Variants in LRP6 observed in about 807,000 individuals in gnomAD.
The protein encoded by LRP6 is low-density lipoprotein receptor-related protein 6.
LRP6 carries 43 observed loss-of-function variants against 184.1 expected under a neutral mutation model. That is an observed-to-expected ratio of 0.23 (90% CI 0.18 to 0.30). LRP6 has a LOEUF of 0.30. LRP6 is among the 10% of genes least tolerant of loss of function. The probability of loss-of-function intolerance (pLI) is 1.00; values close to 1 mark genes in which losing one functional copy is unlikely to be tolerated. For synonymous variants in LRP6, 719 were observed against 684.9 expected (o/e 1.05, Z -0.78); for missense variants, 1,571 against 2,005.3 (o/e 0.78, Z 4.14).
At chr12:12,161,434 A>AT (rs1014252820) in intron 10 of LRP6, among the ~76,000 whole-genome samples, 13 of 151,420 alleles carry the variant, frequency 8.6e-5, no homozygotes, top group East Asian at 5.8e-4. Flanking sequence ...TGCCTGGCTA[A>AT]TTTTTTTTTA....
chr12:12,152,294 C>T (rs1950092761), intron 12 of LRP6, among the ~76,000 whole-genome samples: 1 of 152,072 alleles, frequency 6.6e-6, no homozygotes, highest in African/African-American at 2.4e-5. Flanking sequence ...TCTTTTTGTT[C>T]CCAGTTTCCA....
At chr12:12,182,955 G>A (rs960810545) in intron 5 of LRP6, among the ~76,000 whole-genome samples, 3 of 152,192 alleles carry the variant, frequency 2.0e-5, no homozygotes, top group Non-Finnish European at 4.4e-5. Context: ...TAAATCCTCT[G>A]TTTTAAAGTC....
chr12:12,201,722 T>G (rs1288187173), intron 3 of LRP6, among the ~76,000 whole-genome samples: 1 of 152,200 alleles, frequency 6.6e-6, no homozygotes, highest in South Asian at 2.1e-4. Flanking sequence ...GCCACATCCA[T>G]CTTCCTAGAC....
intron 1 of LRP6, among the ~76,000 whole-genome samples, chr12:12,262,815 T>C (rs1013476965): frequency 1.3e-5 from 2 of 152,152 alleles, no homozygotes; most frequent in Non-Finnish European, 2.9e-5. Flanking sequence ...CCATACATAT[T>C]TGCTAAAAGA....
At chr12:12,213,596 C>T (rs1402745088) in intron 2 of LRP6, among the ~76,000 whole-genome samples, 1 of 152,028 alleles carries the variant, frequency 6.6e-6, no homozygotes, top group Admixed American at 6.6e-5. Context: ...AAAGATTAAA[C>T]ATTCACGTTT....
chr12:12,218,667 T>TA (rs1864410952), intron 2 of LRP6, among the ~76,000 whole-genome samples: 2 of 151,716 alleles, frequency 1.3e-5, no homozygotes, highest in Non-Finnish European at 2.9e-5. Context: ...TATAACTTTT[T>TA]AAAAAAGGAG....
chr12:12,171,323 T>C (rs777883047), intron 7 of LRP6, among the ~76,000 whole-genome samples: 3 of 152,120 alleles, frequency 2.0e-5, no homozygotes, highest in Non-Finnish European at 2.9e-5. Flanking sequence ...AAGACCATCC[T>C]GGCTAACATG....
chr12:12,252,888 TTA>T lies in LRP6; in HGVS notation c.56-8235_56-8234del, dbSNP rs534003558. On this transcript the variant is annotated intron_variant, in intron 1 of 22. Transcript: ENST00000261349. Reference sequence around the variant, plus strand: ...ATTCATGGTCCATTACATCTTAGGATTATATGTCTTTAGATTTTCTCTCTGCA... The same window carrying T: ...ATTCATGGTCCATTACATCTTAGGATTATGTCTTTAGATTTTCTCTCTGCA... Among the ~76,000 whole-genome samples, 22 of 152,330 alleles carry T rather than the reference TTA, an allele frequency of 1.4e-4. No homozygotes were observed. In the East Asian group the frequency reaches 4.0e-3, roughly 28 times the overall value.
intron 1 of LRP6, among the ~76,000 whole-genome samples, chr12:12,255,441 T>C (rs1865437408): frequency 6.6e-6 from 1 of 152,098 alleles, no homozygotes; most frequent in Non-Finnish European, 1.5e-5. Context: ...AAAAGCCTTT[T>C]TCGGTTTGAT....
chr12:12,202,942 T>TG (rs753177873), intron 3 of LRP6, among the ~76,000 whole-genome samples: 4 of 152,302 alleles, frequency 2.6e-5, no homozygotes, highest in East Asian at 3.9e-4. Context: ...ATGCTACCCC[T>TG]GGTGGAGAAC....
intron 3 of LRP6, among the ~76,000 whole-genome samples, chr12:12,199,759 T>C (rs1445150500): frequency 6.6e-6 from 1 of 150,680 alleles, no homozygotes; most frequent in African/African-American, 2.4e-5. Context: ...AGGTAAGGAG[T>C]TCGAGACCAG....
At chr12:12,216,390 A>G (rs1591955908) in intron 2 of LRP6, among the ~76,000 whole-genome samples, 1 of 152,340 alleles carries the variant, frequency 6.6e-6, no homozygotes, top group African/African-American at 2.4e-5. Flanking sequence ...AGCCAATTAT[A>G]CTTTTTATTC....
intron 13 of LRP6, 46 bp downstream of exon 13, chr12:12,150,790 A>G: frequency 1.3e-6 from 2 of 1,593,482 alleles, no homozygotes; most frequent in Non-Finnish European, 1.7e-6. Flanking sequence ...TGGTGAGTCC[A>G]GTTATTAGTC....
At chr12:12,147,642 G>C in intron 14 of LRP6, 86 bp from the exon 15 acceptor site, 1 of 1,115,124 alleles carries the variant, frequency 9.0e-7, no homozygotes, top group South Asian at 1.3e-5. Flanking sequence ...AATGGAGGTA[G>C]AGTATTTTTA....
chr12:12,213,925 C>A (rs1365762419), intron 2 of LRP6, among the ~76,000 whole-genome samples: 1 of 152,080 alleles, frequency 6.6e-6, no homozygotes, highest in African/African-American at 2.4e-5. Context: ...GAATACTTCA[C>A]TAGTTGATGT....
intron 3 of LRP6, among the ~76,000 whole-genome samples, chr12:12,197,509 A>G (rs1012207738): frequency 6.6e-6 from 1 of 152,184 alleles, no homozygotes; most frequent in East Asian, 1.9e-4. Flanking sequence ...TTGGGTACAT[A>G]TATTTTTGAA....
At chr12:12,191,199 A>G (rs778484648) in intron 3 of LRP6, among the ~76,000 whole-genome samples, 5 of 152,228 alleles carry the variant, frequency 3.3e-5, no homozygotes, top group Non-Finnish European at 7.3e-5. Context: ...AAGGTCTAGC[A>G]CTATACTTTA....
chr12:12,159,889 G>A lies in LRP6; in HGVS notation c.2355C>T (p.Thr785=), dbSNP rs745376816. The change falls in exon 11 of 23, where the codon ACC becomes ACT. Residue 785 remains threonine (T), a synonymous_variant. Transcript: ENST00000261349. ...RAAMDGSERT[T]LVPNVGRANG... Reference sequence around the variant, plus strand: ...TTGCCCGCCCCACATTTGGAACTAAGGTAGTACGTTCACTTCCATCCATTG... The same window carrying A: ...TTGCCCGCCCCACATTTGGAACTAAAGTAGTACGTTCACTTCCATCCATTG... The A allele has an allele frequency of 1.7e-5, 27 of 1,613,872 alleles. No individual in the cohort carries two copies. Among genetic ancestry groups the A allele is most frequent in the Non-Finnish European group, 2.1e-5 (25 of 1,179,964 alleles).
chr12:12,135,291 G>A lies in LRP6; in HGVS notation c.3617C>T (p.Pro1206Leu), dbSNP rs764130366. The A allele has an allele frequency of 6.2e-7, 1 of 1,613,608 alleles. No individual in the cohort carries two copies. The highest frequency in any genetic ancestry group is 2.2e-5 in the East Asian group (1 of 44,848). The change falls in exon 17 of 23, where the codon CCT becomes CTT. Residue 1206 changes from proline (P) to leucine (L), a missense_variant. By Grantham distance (98) the Pro-to-Leu change is moderately conservative (BLOSUM62 -3). This residue lies in a region of LRP6 where 763 missense variants were observed against 859.5 expected (regional missense o/e 0.89). Transcript: ENST00000261349. ...ELNLQEYRQHPCAQDNGGCSH... is the reference protein window; with the variant it reads ...ELNLQEYRQHLCAQDNGGCSH... ...ACAGCCACCATTATCCTGAGCACAA[G>A]GGTGCTGTCCTGCAAAGAGAAGAGG...
Sources: allele counts gnomAD v4.1 joint callset (sites outside exome capture counted in the v4.1 genomes callset), GRCh38; gene constraint gnomAD v4.1.1; regional missense constraint gnomAD v4.1.1; transcripts MANE v1.5; gene names NCBI Gene and HGNC (gene_info 2026-07-23, HGNC 2026-07-21).